The following GOLGA6L2 variants were observed in gnomAD, a reference collection of about 807,000 sequenced individuals.
GOLGA6L2 encodes the protein golgin subfamily A member 6-like protein 2.
A neutral mutation model predicts 35.9 loss-of-function variants in GOLGA6L2; 30 were observed. That is an observed-to-expected ratio of 0.83 (90% CI 0.62 to 1.13). The LOEUF (loss-of-function observed/expected upper bound fraction) is 1.13. Among genes scored for constraint, GOLGA6L2 ranks in the 50% most tolerant of loss-of-function variants. The pLI is 0.00. For missense variants in GOLGA6L2, 821 were observed against 973.4 expected (o/e 0.84, Z 2.08); for synonymous variants, 297 against 344.0 (o/e 0.86, Z 1.51).
rs779322730 is a variant in GOLGA6L2 at position 23,441,185 on chromosome 15, C to A, written c.1290G>T (p.Lys430Asn). The A allele has an allele frequency of 2.0e-5, 31 of 1,531,040 alleles. No homozygotes were observed. The South Asian group carries it at 3.1e-4, about 15-fold the overall frequency. The allele number at this position is 1,531,040 out of a possible 1,614,324, so 94.8% of individuals were successfully genotyped here. A position where few individuals can be genotyped will look rare whatever the true frequency, so the allele number is the denominator to read the frequency against. ...TCTTCTTCTCCTGCTCCTGCATCTT[C>A]TTCTCCTCCCGCATCTTCTCCACCT... ...WEQVEKMREE[K>N]KMQEQEKKTR... The change falls in exon 8 of 8, where the codon AAG (lysine) becomes AAT (asparagine). Residue 430 changes from lysine to asparagine, a missense_variant. Lys to Asn is a moderately conservative substitution (Grantham distance 94). Transcript: ENST00000567107.
chr15:23,439,477 C>CAA lies in GOLGA6L2; in HGVS notation c.*267_*268insTT. On this transcript the variant is annotated 3_prime_UTR_variant, in exon 8 of 8. Coordinates refer to ENST00000567107, the MANE Select transcript of GOLGA6L2 (RefSeq NM_001304388.2). ...TTTTTTTTTTTTTCAAGTTTGTGCTCAGACTATATTCACACAGTGACATGG... is the reference window on the plus strand; with the variant it reads ...TTTTTTTTTTTTTCAAGTTTGTGCTCAAAGACTATATTCACACAGTGACATGG... The CAA allele has an allele frequency of 1.9e-6, 1 of 534,260 alleles. No homozygotes were observed. The highest frequency in any genetic ancestry group is 3.0e-6 in the Non-Finnish European group (1 of 334,700). The allele number at this position is 534,260 out of a possible 1,614,324, so 33.1% of individuals were successfully genotyped here.
In GOLGA6L2 at chr15:23,443,869, G is replaced by T. The variant is rs1225791699; in HGVS notation, c.499C>A (p.Leu167Ile). 1 of 1,542,020 alleles carries T rather than the reference G, an allele frequency of 6.5e-7. No individual in the cohort carries two copies. Among genetic ancestry groups the T allele is most frequent in the South Asian group, 1.2e-5 (1 of 84,450 alleles). ...CAGGAATGATGCAAGCGGCCGGCGA[G>T]ATCCTTGGACTCTCCTGGAATGAGA... ...TSLIPGESKD[L>I]AGRLHHSWHF... The change falls in exon 5 of 8, where the codon CTC (leucine) becomes ATC (isoleucine). Residue 167 changes from leucine to isoleucine, a missense_variant. Transcript: ENST00000567107.
chr15:23,442,468 A>C lies in GOLGA6L2; in HGVS notation c.632T>G (p.Leu211Arg). 6.3e-7 allele frequency: 1 copy of C among 1,593,228 alleles called. No homozygotes were observed. Among genetic ancestry groups the C allele is most frequent in the East Asian group, 2.2e-5 (1 of 44,680 alleles). Reference protein sequence around the residue: ...ELTKERDALSLELYRNTITNE... With the variant: ...ELTKERDALSRELYRNTITNE... ...ATCCTACGTGTTCCTGTACAGTTCC[A>C]GACTCAGGGCGTCCCTCTCCTTTGT... Residue 211 changes from leucine (L) to arginine (R), a missense_variant, in exon 6 of 8, where the codon CTG (leucine) becomes CGG (arginine). Leu to Arg is a moderately radical substitution (Grantham distance 102, BLOSUM62 -2). Coordinates refer to ENST00000567107, the MANE Select transcript of GOLGA6L2 (RefSeq NM_001304388.2).
intron 1 of GOLGA6L2, among the ~76,000 whole-genome samples, chr15:23,446,300 C>T (rs1177288413): frequency 2.0e-5 from 3 of 152,096 alleles, no homozygotes. Flanking sequence ...ATTTTGAGTT[C>T]ACAGGGGGAG....
At chr15:23,442,747 A>G (rs1479524617) in intron 5 of GOLGA6L2, among the ~76,000 whole-genome samples, 4 of 151,570 alleles carry the variant, frequency 2.6e-5, no homozygotes, top group Non-Finnish European at 5.9e-5. Context: ...CAATGGCGCA[A>G]TCTCGCCCCA....
rs774151547 is a variant in GOLGA6L2 at position 23,439,735 on chromosome 15, G to T, written c.*10C>A. 7.2e-6 allele frequency: 11 copies of T among 1,536,048 alleles called. No individual in the cohort carries two copies. The Middle Eastern group carries it at 5.0e-4, about 70-fold the overall frequency. On this transcript the variant is annotated 3_prime_UTR_variant, in exon 8 of 8. Coordinates refer to ENST00000567107, the MANE Select transcript of GOLGA6L2 (RefSeq NM_001304388.2). ...CTCCTGCAGGCTCCACACTGCCAGT[G>T]TGGCTCATATTACAAAGAACTTTGG...
chr15:23,439,813 C>T lies in GOLGA6L2; in HGVS notation c.2662G>A (p.Gly888Arg). The change falls in exon 8 of 8, where the codon GGA becomes AGA. Residue 888 changes from glycine (G) to arginine (R), a missense_variant. Transcript: ENST00000567107. ...GCTCCTCGTGCTCTGGCAGCCTCTC[C>T]TGCATCTTCTCTTTCTGATCTCGTA... ...EDTRSEREDA[G>R]EAARARGAVL... 1 of 1,531,682 alleles carries T rather than the reference C, an allele frequency of 6.5e-7. No homozygotes were observed. The highest frequency in any genetic ancestry group is 8.7e-7 in the Non-Finnish European group (1 of 1,145,218). The allele number at this position is 1,531,682 out of a possible 1,614,324, so 94.9% of individuals were successfully genotyped here. A position where few individuals can be genotyped will look rare whatever the true frequency, so the allele number is the denominator to read the frequency against.
At chr15:23,442,642 A>G (rs1027855217) in intron 5 of GOLGA6L2, 134 bp from the exon 6 acceptor site, 1 of 819,568 alleles carries the variant, frequency 1.2e-6, no homozygotes, top group Non-Finnish European at 2.0e-6. Flanking sequence ...TCTCAAGGCA[A>G]TTCCAAGCCC....
At position 23,443,793 on chromosome 15, in the gene GOLGA6L2, T is replaced by C; in HGVS notation, c.575A>G (p.His192Arg). 1.9e-6 allele frequency: 3 copies of C among 1,538,472 alleles called. No individual in the cohort carries two copies. Among genetic ancestry groups the C allele is most frequent in the Non-Finnish European group, 2.6e-6 (3 of 1,148,236 alleles). The change falls in exon 5 of 8, where the codon CAC becomes CGC. Residue 192 changes from histidine (H) to arginine (R), a missense_variant. Physicochemically the swap from His to Arg is conservative, Grantham distance 29. This residue lies in a region of GOLGA6L2 where 614 missense variants were observed against 632.3 expected (regional missense o/e 0.97). Transcript: ENST00000567107. ...TGGACTTACCCTGTCTGCCTTCTTG[T>C]GCCATGTGGACACAGCAGAGAGAGC... ...QRALSAVSTW[H>R]KKADRYIEEL...
intron 1 of GOLGA6L2, among the ~76,000 whole-genome samples, chr15:23,446,245 C>A (rs1422400579): frequency 6.6e-6 from 1 of 152,056 alleles, no homozygotes; most frequent in Non-Finnish European, 1.5e-5. Context: ...GGGAGAAAAC[C>A]AAACCAAACC....
At position 23,442,129 on chromosome 15, in the gene GOLGA6L2, C is replaced by A. The variant is rs766426572; in HGVS notation, c.651-9G>T. Reference sequence around the variant, plus strand: ...GCTCCTCATTGGTTATGCTATGGCCCGAGGCAGTAGAGAAAGGAATGAACG... The same window carrying A: ...GCTCCTCATTGGTTATGCTATGGCCAGAGGCAGTAGAGAAAGGAATGAACG... On this transcript the variant is annotated splice_polypyrimidine_tract_variant and intron_variant, in intron 6 of 7. Transcript: ENST00000567107. 18 of 1,568,410 alleles carry A rather than the reference C, an allele frequency of 1.1e-5. No individual in the cohort carries two copies. Among genetic ancestry groups the A allele is most frequent in the South Asian group, 5.7e-5 (5 of 87,550 alleles).
At position 23,439,807 on chromosome 15, in the gene GOLGA6L2, C is replaced by G. The variant is rs1334244065; in HGVS notation, c.2668G>C (p.Ala890Pro). The G allele has an allele frequency of 1.3e-6, 2 of 1,531,880 alleles. No individual in the cohort carries two copies. Among genetic ancestry groups the G allele is most frequent in the Admixed American group, 4.0e-5 (2 of 50,036 alleles). The allele number at this position is 1,531,880 out of a possible 1,614,324, so 94.9% of individuals were successfully genotyped here. Residue 890 changes from alanine (A) to proline (P), a missense_variant, in exon 8 of 8, where the codon GCT becomes CCT. By Grantham distance (27) the Ala-to-Pro change is conservative. Coordinates refer to ENST00000567107, the MANE Select transcript of GOLGA6L2 (RefSeq NM_001304388.2). The part of the protein sequence containing the change: ...TRSEREDAGE[A>P]ARARGAVLRA... ...AGCACCGCTCCTCGTGCTCTGGCAG[C>G]CTCTCCTGCATCTTCTCTTTCTGAT...
intron 7 of GOLGA6L2, 83 bp downstream of exon 7, chr15:23,441,896 C>T (rs1024735444): frequency 9.5e-6 from 14 of 1,478,146 alleles, no homozygotes; most frequent in Non-Finnish European, 1.2e-5. Flanking sequence ...CTTGGCTGGA[C>T]CCTCCCCATA....
At position 23,440,729 on chromosome 15, in the gene GOLGA6L2, T is replaced by C; in HGVS notation, c.1746A>G (p.Ala582=). Residue 582 remains alanine, a synonymous_variant, in exon 8 of 8, where the codon GCA becomes GCG. Coordinates refer to ENST00000567107, the MANE Select transcript of GOLGA6L2 (RefSeq NM_001304388.2). ...CTCCTTCTCCCGCAGCCTCTCGTCC[T>C]GCTCCCACATCCTCTCCTCCTGGTC... The part of the protein sequence containing the change: ...DVGPGGEDVG[A]GREAAGEGGE... The C allele has an allele frequency of 6.6e-7, 1 of 1,514,648 alleles. No homozygotes were observed. The allele number at this position is 1,514,648 out of a possible 1,614,324, so 93.8% of individuals were successfully genotyped here.
rs2070621952 is a variant in GOLGA6L2, at chr15:23,439,456, T to C, written c.*289A>G. 7 of 678,344 alleles carry C rather than the reference T, an allele frequency of 1.0e-5. No homozygotes were observed. In the Admixed American group the frequency reaches 1.7e-4, roughly 16 times the overall value. The allele number at this position is 678,344 out of a possible 1,614,324, so 42.0% of individuals were successfully genotyped here. ...AAGTAAATTTTCTTTTCTTTTTTTT[T>C]TTTTTTTTCAAGTTTGTGCTCAGAC... On this transcript the variant is annotated 3_prime_UTR_variant, in exon 8 of 8. Coordinates refer to ENST00000567107, the MANE Select transcript of GOLGA6L2 (RefSeq NM_001304388.2).
At chr15:23,442,562 C>G in intron 5 of GOLGA6L2, 54 bp from the exon 6 acceptor site, 1 of 1,519,558 alleles carries the variant, frequency 6.6e-7, no homozygotes, top group Non-Finnish European at 8.9e-7. Context: ...AGCAGCTGGC[C>G]GACCAGGAAC....
In GOLGA6L2 at chr15:23,441,014, C is replaced by G. The variant is rs919692481; in HGVS notation, c.1461G>C (p.Glu487Asp). The G allele has an allele frequency of 1.4e-4, 212 of 1,534,936 alleles. No individual in the cohort carries two copies. The highest frequency in any genetic ancestry group is 1.8e-4 in the Non-Finnish European group (201 of 1,141,648). ...EENMWEQEEK[E>D]WQQQRLPEQK... ...GTTCCGGCAGCCTCTGCTGCTGCCACTCCTTCTCTTCCTGCTCCCACATAT... is the reference window on the plus strand; with the variant it reads ...GTTCCGGCAGCCTCTGCTGCTGCCAGTCCTTCTCTTCCTGCTCCCACATAT... The change falls in exon 8 of 8, where the codon GAG becomes GAC. Residue 487 changes from glutamate (E) to aspartate (D), a missense_variant. Glu to Asp is a conservative substitution (Grantham distance 45). Coordinates refer to ENST00000567107, the MANE Select transcript of GOLGA6L2 (RefSeq NM_001304388.2).
At chr15:23,444,325 G>T (rs543099894) in intron 3 of GOLGA6L2, 113 bp from the exon 4 acceptor site, 41 of 1,475,584 alleles carry the variant, frequency 2.8e-5, no homozygotes, top group South Asian at 2.4e-4. Context: ...ATGGGACCAG[G>T]TTATCAGGGA....
intron 3 of GOLGA6L2, 41 bp from the exon 4 acceptor site, chr15:23,444,253 A>G (rs761223328): frequency 4.4e-6 from 7 of 1,589,050 alleles, no homozygotes; most frequent in Non-Finnish European, 6.0e-6. Context: ...AGGGGGAGGC[A>G]GAGATCCACA....
Sources: allele counts gnomAD v4.1 joint callset (sites outside exome capture counted in the v4.1 genomes callset), GRCh38; gene constraint gnomAD v4.1.1; regional missense constraint gnomAD v4.1.1; transcripts MANE v1.5; gene names NCBI Gene and HGNC (gene_info 2026-07-23, HGNC 2026-07-21).